MAST4: variants seen among roughly 807,000 people sequenced by gnomAD.
MAST4 encodes the protein microtubule associated serine/threonine kinase family member 4.
In MAST4, 89 loss-of-function variants were observed where a neutral mutation model predicts 162.7. The ratio of observed to expected loss-of-function variants is 0.55; its 90% CI spans 0.46 to 0.65. MAST4 has a LOEUF of 0.65. Ranked by LOEUF, MAST4 falls within the 30% of genes least tolerant of loss-of-function variation. The probability of loss-of-function intolerance (pLI) is 0.00; values close to 1 mark genes in which losing one functional copy is unlikely to be tolerated. For synonymous variants in MAST4, 1,479 were observed against 1,361.1 expected, an observed-to-expected ratio of 1.09 and a Z score of -1.91; for missense variants, 3,153 against 3,374.0, an observed-to-expected ratio of 0.93 and a Z score of 1.62.
intron 1 of MAST4, among the ~76,000 whole-genome samples, chr5:66,709,410 G>A (rs1234566804): frequency 1.3e-5 from 2 of 152,166 alleles, no homozygotes; most frequent in Non-Finnish European, 2.9e-5. Context: ...CAAACTTCAG[G>A]GCTCAAGCAA....
At chr5:66,828,244 G>A (rs1437259784) in intron 3 of MAST4, among the ~76,000 whole-genome samples, 6 of 152,158 alleles carry the variant, frequency 3.9e-5, no homozygotes, top group Admixed American at 6.5e-5. Flanking sequence ...GGTGGCTGGA[G>A]AGCAGCTGCC....
In MAST4 at chr5:67,142,196, T is replaced by G; in HGVS notation, c.2576T>G (p.Ile859Ser). ...TTGCTGAGACAGAAGGCAGAATTTA[T>G]TCCCCAACTGGAATCTGAGGATGAC... Reference protein sequence around the residue: ...NSLLRQKAEFIPQLESEDDTS... With the variant: ...NSLLRQKAEFSPQLESEDDTS... Residue 859 changes from isoleucine (I) to serine (S), a missense_variant, in exon 20 of 29, where the codon ATT becomes AGT. Ile to Ser is a moderately radical substitution (Grantham distance 142). This residue lies in a region of MAST4 where 10 missense variants were observed against 31.3 expected (regional missense o/e 0.32). Coordinates refer to ENST00000403625, the MANE Select transcript of MAST4 (RefSeq NM_001164664.2). 6.2e-7 allele frequency: 1 copy of G among 1,613,934 alleles called. No homozygotes were observed.
At chr5:66,820,545 A>G (rs941875339) in intron 3 of MAST4, among the ~76,000 whole-genome samples, 1 of 152,218 alleles carries the variant, frequency 6.6e-6, no homozygotes, top group Non-Finnish European at 1.5e-5. Context: ...GAAAAAATAT[A>G]TATTGGAGCT....
At chr5:66,891,296 T>G (rs999319228) in intron 3 of MAST4, among the ~76,000 whole-genome samples, 1 of 152,136 alleles carries the variant, frequency 6.6e-6, no homozygotes, top group Non-Finnish European at 1.5e-5. Flanking sequence ...TCAACTCCTG[T>G]GGATCCTGTA....
At chr5:67,075,418 C>T (rs1761519705) in intron 5 of MAST4, among the ~76,000 whole-genome samples, 2 of 151,948 alleles carry the variant, frequency 1.3e-5, no homozygotes, top group South Asian at 4.2e-4. Context: ...TCAAGTGATC[C>T]ACTGACCTCA....
At chr5:67,038,370 A>G (rs961988150) in intron 4 of MAST4, among the ~76,000 whole-genome samples, 34 of 152,092 alleles carry the variant, frequency 2.2e-4, no homozygotes, top group African/African-American at 8.0e-4. Flanking sequence ...TGCAAGGAAA[A>G]GTCACCCTCC....
In MAST4 at chr5:67,160,563, G is replaced by A. The variant is rs1266105371; in HGVS notation, c.3756G>A (p.Lys1252=). ...AGAGCCGGATGGTGAGGCGGAGCAA[G>A]AAATCCAAGAAGAAAGAAAGTCTCG... The part of the protein sequence containing the change: ...SYKSRMVRRS[K]KSKKKESLER... Residue 1252 remains lysine (K), a synonymous_variant, in exon 27 of 29, where the codon AAG becomes AAA. Transcript: ENST00000403625. 1.2e-6 allele frequency: 2 copies of A among 1,613,536 alleles called. No individual in the cohort carries two copies. The highest frequency in any genetic ancestry group is 1.7e-6 in the Non-Finnish European group (2 of 1,179,688).
At chr5:67,043,891 A>C (rs923186858) in intron 4 of MAST4, among the ~76,000 whole-genome samples, 1 of 152,076 alleles carries the variant, frequency 6.6e-6, no homozygotes, top group African/African-American at 2.4e-5. Context: ...TGGACAGCCA[A>C]CCACTTGGAT....
intron 1 of MAST4, among the ~76,000 whole-genome samples, chr5:66,754,503 A>G (rs565610248): frequency 1.3e-5 from 2 of 152,062 alleles, no homozygotes; most frequent in Non-Finnish European, 2.9e-5. Context: ...ATTTTATTCT[A>G]TTTTTTCAAT....
At chr5:67,123,726 G>T (rs1581642176) in intron 14 of MAST4, among the ~76,000 whole-genome samples, 1 of 152,146 alleles carries the variant, frequency 6.6e-6, no homozygotes, top group Non-Finnish European at 1.5e-5. Flanking sequence ...CAAAGTAAAA[G>T]AATAAAATTG....
chr5:67,059,045 T>C (rs1040151555), intron 5 of MAST4, among the ~76,000 whole-genome samples: 3 of 152,216 alleles, frequency 2.0e-5, no homozygotes, highest in African/African-American at 7.2e-5. Context: ...TTGGTTGAGC[T>C]GGGCTCTTAC....
intron 11 of MAST4, among the ~76,000 whole-genome samples, chr5:67,112,041 A>G (rs1581600661): frequency 1.3e-5 from 2 of 149,254 alleles, no homozygotes; most frequent in Admixed American, 6.7e-5. Flanking sequence ...CTCCACTTGC[A>G]GCAAGTTTTT....
At chr5:67,121,783 C>A (rs1025992525) in intron 14 of MAST4, among the ~76,000 whole-genome samples, 1 of 151,838 alleles carries the variant, frequency 6.6e-6, no homozygotes, top group Admixed American at 6.6e-5. Flanking sequence ...TCACAGGCTG[C>A]GGGTTGGATA....
At chr5:67,112,505 C>T (rs1018129908) in intron 11 of MAST4, among the ~76,000 whole-genome samples, 4 of 152,146 alleles carry the variant, frequency 2.6e-5, no homozygotes, top group Non-Finnish European at 5.9e-5. Context: ...TGCCTCTCAC[C>T]GTCTGGCTGT....
At chr5:66,605,345 AT>A (rs1384123979) in intron 1 of MAST4, among the ~76,000 whole-genome samples, 1 of 152,160 alleles carries the variant, frequency 6.6e-6, no homozygotes, top group Non-Finnish European at 1.5e-5. Flanking sequence ...AATGAGCAGA[AT>A]ATATACCTGC....
At chr5:66,898,554 C>T (rs1762824709) in intron 3 of MAST4, among the ~76,000 whole-genome samples, 1 of 152,100 alleles carries the variant, frequency 6.6e-6, no homozygotes, top group Admixed American at 6.5e-5. Context: ...GAGCCAAGTT[C>T]AGCAAACACT....
At position 67,145,311 on chromosome 5, in the gene MAST4, A is replaced by C. The variant is rs1430578517; in HGVS notation, c.3026A>C (p.Glu1009Ala). ...EEPGKPALPP[E>A]ECAQEEPEVT... Reference sequence around the variant, plus strand: ...CCAGGAAAGCCAGCCCTTCCTCCTGAAGAGTGTGCCCAGGAGGAGCCTGAG... The same window carrying C: ...CCAGGAAAGCCAGCCCTTCCTCCTGCAGAGTGTGCCCAGGAGGAGCCTGAG... Residue 1009 changes from glutamate (E) to alanine (A), a missense_variant, in exon 23 of 29, where the codon GAA (glutamate) becomes GCA (alanine). Transcript: ENST00000403625. 2 of 1,613,760 alleles carry C rather than the reference A, an allele frequency of 1.2e-6. No homozygotes were observed. The highest frequency in any genetic ancestry group is 1.7e-6 in the Non-Finnish European group (2 of 1,179,850).
At chr5:66,603,691 A>G (rs530473285) in intron 1 of MAST4, among the ~76,000 whole-genome samples, 1 of 152,314 alleles carries the variant, frequency 6.6e-6, no homozygotes, top group South Asian at 2.1e-4. Context: ...GAACAGTATA[A>G]ACATTTTGGT....
At chr5:66,678,360 T>C (rs1748093844) in intron 1 of MAST4, among the ~76,000 whole-genome samples, 1 of 152,150 alleles carries the variant, frequency 6.6e-6, no homozygotes, top group South Asian at 2.1e-4. Flanking sequence ...TTAATAATTA[T>C]GCTTAAAAAT....
Sources: allele counts gnomAD v4.1 joint callset (sites outside exome capture counted in the v4.1 genomes callset), GRCh38; gene constraint gnomAD v4.1.1; regional missense constraint gnomAD v4.1.1; transcripts MANE v1.5; gene names NCBI Gene and HGNC (gene_info 2026-07-23, HGNC 2026-07-21).